CEP95: variants seen among roughly 807,000 people sequenced by gnomAD.
CEP95 encodes the protein centrosomal protein of 95 kDa.
Under a neutral mutation model 111.2 loss-of-function variants are expected in CEP95, and 98 were observed. The ratio of observed to expected loss-of-function variants is 0.88; its 90% CI spans 0.75 to 1.04. The LOEUF (loss-of-function observed/expected upper bound fraction) is 1.04, where lower values mean the gene tolerates loss of function less well. Ranked by LOEUF, CEP95 falls within the 50% of genes least tolerant of loss-of-function variation. CEP95 has a pLI of 0.00. For missense variants in CEP95, 1,027 were observed against 977.2 expected, an observed-to-expected ratio of 1.05 and a Z score of -0.68; for synonymous variants, 323 against 327.1, an observed-to-expected ratio of 0.99 and a Z score of 0.14.
intron 13 of CEP95, 136 bp downstream of exon 13, chr17:64,531,154 C>T (rs1968249799): frequency 4.0e-6 from 2 of 506,082 alleles, no homozygotes; most frequent in Non-Finnish European, 6.9e-6. Flanking sequence ...GATTTCATGT[C>T]ATGATACAGG....
chr17:64,529,155 T>C, intron 11 of CEP95, 133 bp from the exon 12 acceptor site: 1 of 699,094 alleles, frequency 1.4e-6, no homozygotes, highest in Non-Finnish European at 2.4e-6. Flanking sequence ...CCAATTCAAG[T>C]TAGTTACAGG....
At position 64,534,589 on chromosome 17, in the gene CEP95, A is replaced by AC. The variant is rs781906439; in HGVS notation, c.1923dup (p.Phe642LeufsTer7). 1 of 1,613,518 alleles carries AC rather than the reference A, an allele frequency of 6.2e-7. No homozygotes were observed. Among genetic ancestry groups the AC allele is most frequent in the Non-Finnish European group, 8.5e-7 (1 of 1,179,664 alleles). ...CCTCCCCTTTCCCTTTCTTAGCAAG[A>AC]CTTCAAGGACTGCATTCGTAGGCAA... is the stretch of plus-strand genomic sequence containing the variant. On this transcript the variant is annotated frameshift_variant, in exon 17 of 20. Coordinates refer to ENST00000556440, the MANE Select transcript of CEP95 (RefSeq NM_138363.3). LOFTEE classifies it high-confidence loss of function.
chr17:64,510,278 C>T lies in CEP95; in HGVS notation c.254C>T (p.Thr85Ile). The change falls in exon 3 of 20, where the codon ACA becomes ATA. Residue 85 changes from threonine (T) to isoleucine (I), a missense_variant and splice_region_variant. Transcript: ENST00000556440. ...TTGCAGGTCAGCTTGTCTCACATAA[C>T]AGGTTGGTATATGTATAACTATCAC... is the stretch of plus-strand genomic sequence containing the variant. ...DYLQVSLSHI[T>I]GENIVKGDKE... 6.4e-7 allele frequency: 1 copy of T among 1,560,700 alleles called. No homozygotes were observed. The highest frequency in any genetic ancestry group is 8.8e-7 in the Non-Finnish European group (1 of 1,134,056).
Position 64,530,940 on chromosome 17 carries a change from A to T in CEP95, c.1461A>T (p.Ala487=), listed in dbSNP as rs782232666. 287 of 1,553,552 alleles carry T rather than the reference A, an allele frequency of 1.8e-4. 2 individuals carry two copies. The highest frequency in any genetic ancestry group is 6.7e-4 in the Middle Eastern group (4 of 5,976). ...RQFQAQAFTE[A]FERELRRHKV... ...TTCCCCTTTAGGCGTTTACTGAAGCATTTGAAAGGGAACTAAGAAGACATA... is the reference window on the plus strand; with the variant it reads ...TTCCCCTTTAGGCGTTTACTGAAGCTTTTGAAAGGGAACTAAGAAGACATA... Residue 487 remains alanine (A), a synonymous_variant, in exon 13 of 20, where the codon GCA becomes GCT. Coordinates refer to ENST00000556440, the MANE Select transcript of CEP95 (RefSeq NM_138363.3).
chr17:64,508,105 C>G, intron 1 of CEP95: 1 of 985,338 alleles, frequency 1.0e-6, no homozygotes, highest in Non-Finnish European at 1.2e-6. Context: ...GTTTAATCAC[C>G]ACTTTTTCCG....
intron 5 of CEP95, 83 bp downstream of exon 5, chr17:64,516,911 ATGGCACC>A: frequency 1.4e-6 from 1 of 732,980 alleles, no homozygotes; most frequent in South Asian, 2.0e-5. Flanking sequence ...ATATACCAAG[ATGGCACC>A]AAAAAAAGCT....
rs202192133 is a variant in CEP95, at chr17:64,537,692, T to C, written c.2379T>C (p.Asp793=). Residue 793 remains aspartate (D), a synonymous_variant, in exon 20 of 20, where the codon GAT becomes GAC. Coordinates refer to ENST00000556440, the MANE Select transcript of CEP95 (RefSeq NM_138363.3). ...LQDMITQNDD[D]VFFRELEAER... ...ACATGATAACACAGAATGATGATGA[T>C]GTTTTCTTCCGGGAACTGGAAGCTG... 15 of 1,613,578 alleles carry C rather than the reference T, an allele frequency of 9.3e-6. No homozygotes were observed. The highest frequency in any genetic ancestry group is 1.3e-5 in the Non-Finnish European group (15 of 1,179,696).
intron 12 of CEP95, among the ~76,000 whole-genome samples, 180 bp from the exon 13 acceptor site, chr17:64,530,746 G>A (rs1369173724): frequency 6.6e-6 from 1 of 152,088 alleles, no homozygotes. Flanking sequence ...GACCTCAGGT[G>A]ATCCACCTGT....
In CEP95 at chr17:64,534,661, G is replaced by A. The variant is rs782202745; in HGVS notation, c.1994G>A (p.Arg665His). The change falls in exon 17 of 20, where the codon CGT becomes CAT. Residue 665 changes from arginine (R) to histidine (H), a missense_variant. Coordinates refer to ENST00000556440, the MANE Select transcript of CEP95 (RefSeq NM_138363.3). ...AAAGAAAATCGACAGCAAATCGTTC[G>A]TGCTCGAAAATATTATGATGATTAT... is the stretch of plus-strand genomic sequence containing the variant. Reference protein sequence around the residue: ...KIKENRQQIVRARKYYDDYRV... With the variant: ...KIKENRQQIVHARKYYDDYRV... 40 of 1,613,538 alleles carry A rather than the reference G, an allele frequency of 2.5e-5. No individual in the cohort carries two copies. Among genetic ancestry groups the A allele is most frequent in the East Asian group, 1.6e-4 (7 of 44,862 alleles).
chr17:64,527,786 A>G (rs1967939587), intron 11 of CEP95, among the ~76,000 whole-genome samples: 1 of 151,334 alleles, frequency 6.6e-6, no homozygotes, highest in South Asian at 2.1e-4. Context: ...TTGTGTGGGT[A>G]TATGTATAGC....
chr17:64,522,146 C>T (rs1457446228), intron 7 of CEP95, among the ~76,000 whole-genome samples: 3 of 152,066 alleles, frequency 2.0e-5, no homozygotes, highest in African/African-American at 2.4e-5. Flanking sequence ...CTCCCGCACC[C>T]GGCCTGGAAA....
intron 16 of CEP95, chr17:64,534,384 T>A (rs1568156947): frequency 1.9e-6 from 1 of 529,946 alleles, no homozygotes. Context: ...TGCCCTCTGC[T>A]GCAGTGGGGT....
chr17:64,525,333 A>AT (rs1555678840), intron 8 of CEP95, among the ~76,000 whole-genome samples: 1 of 152,174 alleles, frequency 6.6e-6, no homozygotes, highest in Non-Finnish European at 1.5e-5. Flanking sequence ...CAAAAAAAAA[A>AT]GGAAATTTAA....
rs782409945 is a variant in CEP95 at position 64,507,025 on chromosome 17, G to C, written c.-73G>C. ...GTCCGCGCCCCAGTGTCGGGTCTGC[G>C]TGGATCGGTCCTTCCAGGACACCGT... On this transcript the variant is annotated 5_prime_UTR_variant, in exon 1 of 20. Coordinates refer to ENST00000556440, the MANE Select transcript of CEP95 (RefSeq NM_138363.3). 1 of 1,536,990 alleles carries C rather than the reference G, an allele frequency of 6.5e-7. No individual in the cohort carries two copies. Among genetic ancestry groups the C allele is most frequent in the African/African-American group, 1.4e-5 (1 of 72,974 alleles).
chr17:64,531,983 C>T lies in CEP95; in HGVS notation c.1633C>T (p.Leu545=). The T allele has an allele frequency of 6.2e-7, 1 of 1,603,060 alleles. No individual in the cohort carries two copies. Among genetic ancestry groups the T allele is most frequent in the Non-Finnish European group, 8.5e-7 (1 of 1,177,182 alleles). The stretch of plus-strand genomic sequence containing the variant: ...CTCTAGAAAAACCACAACGCAGAGT[C>T]TAAGAGGTGGCCTCCCAAAGCCAAA... The part of the protein sequence containing the change: ...IYSRKTTTQS[L]RGGLPKPNKA... The change falls in exon 14 of 20, where the codon CTA becomes TTA. Residue 545 remains leucine, a synonymous_variant. Coordinates refer to ENST00000556440, the MANE Select transcript of CEP95 (RefSeq NM_138363.3).
chr17:64,531,034 C>T lies in CEP95; in HGVS notation c.1539+16C>T. ...GGAGGAAACAGTGGGTAAAAGTCTCCACTGTAATAAATGCCATTTGATCAG... is the reference window on the plus strand; with the variant it reads ...GGAGGAAACAGTGGGTAAAAGTCTCTACTGTAATAAATGCCATTTGATCAG... On this transcript the variant is annotated intron_variant, in intron 13 of 19. Transcript: ENST00000556440. The T allele has an allele frequency of 1.4e-6, 2 of 1,420,584 alleles. No individual in the cohort carries two copies. Among genetic ancestry groups the T allele is most frequent in the Admixed American group, 2.0e-5 (1 of 49,052 alleles). 88.0% of individuals were successfully genotyped at this position (1,420,584 alleles called of 1,614,324 possible).
At chr17:64,510,087 G>A (rs1250308985) in intron 2 of CEP95, 86 bp from the exon 3 acceptor site, 2 of 727,526 alleles carry the variant, frequency 2.7e-6, no homozygotes, top group Non-Finnish European at 2.5e-6. Context: ...TAGCAGTTGA[G>A]CATATTCAGT....
Position 64,523,215 on chromosome 17 carries a change from GC to G in CEP95, c.909+321del, listed in dbSNP as rs549692667. Among the ~76,000 whole-genome samples, 449 of 152,188 alleles carry G rather than the reference GC, an allele frequency of 3.0e-3. 1 individual carries two copies. Among genetic ancestry groups the G allele is most frequent in the African/African-American group, 0.01 (431 of 41,510 alleles). On this transcript the variant is annotated intron_variant, in intron 8 of 19. Transcript: ENST00000556440. Reference sequence around the variant, plus strand: ...AGTGAATGTTTATGTTGTGCCAGGCGCAGTTCTGGATACTTTAGGGGTATTG... The same window carrying G: ...AGTGAATGTTTATGTTGTGCCAGGCGAGTTCTGGATACTTTAGGGGTATTG...
rs782376576 is a variant in CEP95 at position 64,527,275 on chromosome 17, C to G, written c.1306+11C>G. ...AGAAGTCAAGGCCAGGTACTTACCC[C>G]AGAGAGACTGAGAAGGGGGACATCC... is the stretch of plus-strand genomic sequence containing the variant. On this transcript the variant is annotated intron_variant, in intron 11 of 19. Transcript: ENST00000556440. 39 of 1,591,338 alleles carry G rather than the reference C, an allele frequency of 2.5e-5. No homozygotes were observed. In the Admixed American group the frequency reaches 6.8e-4, roughly 28 times the overall value.
Sources: allele counts gnomAD v4.1 joint callset (sites outside exome capture counted in the v4.1 genomes callset), GRCh38; gene constraint gnomAD v4.1.1; transcripts MANE v1.5; gene names NCBI Gene and HGNC (gene_info 2026-07-23, HGNC 2026-07-21).